The following C2orf69 variants were observed in gnomAD, a reference collection of about 807,000 sequenced individuals.
C2orf69 encodes the protein mitochondrial protein C2orf69.
Under a neutral mutation model 29.5 loss-of-function variants are expected in C2orf69, and 19 were observed. The ratio of observed to expected loss-of-function variants is 0.65; its 90% CI spans 0.45 to 0.95. The LOEUF (loss-of-function observed/expected upper bound fraction) is 0.95. Among genes scored for constraint, C2orf69 ranks in the 40% least tolerant of loss-of-function variants. The probability of loss-of-function intolerance (pLI) is 0.00; values close to 1 mark genes in which losing one functional copy is unlikely to be tolerated. For synonymous variants in C2orf69, 194 were observed against 180.0 expected, an observed-to-expected ratio of 1.08 and a Z score of -0.62; for missense variants, 416 against 482.1, an observed-to-expected ratio of 0.86 and a Z score of 1.28.
At chr2:199,916,101 A>T (rs2077291723) in intron 1 of C2orf69, among the ~76,000 whole-genome samples, 2 of 152,226 alleles carry the variant, frequency 1.3e-5, no homozygotes. Context: ...AATCAGTTCC[A>T]CAGGGCTGGG....
intron 1 of C2orf69, among the ~76,000 whole-genome samples, chr2:199,921,528 T>A (rs963837029): frequency 6.6e-6 from 1 of 152,182 alleles, no homozygotes; most frequent in African/African-American, 2.4e-5. Flanking sequence ...GTAGCGAGGA[T>A]TTTAAAAAAT....
chr2:199,911,533 C>T lies in C2orf69; in HGVS notation c.95C>T (p.Thr32Ile), dbSNP rs2077258771. 1 of 1,549,788 alleles carries T rather than the reference C, an allele frequency of 6.5e-7. No homozygotes were observed. Among genetic ancestry groups the T allele is most frequent in the Non-Finnish European group, 8.7e-7 (1 of 1,146,716 alleles). The change falls in exon 1 of 2, where the codon ACC becomes ATC. Residue 32 changes from threonine (T) to isoleucine (I), a missense_variant. By Grantham distance (89) the Thr-to-Ile change is moderately conservative. Around this residue, in one of 4 missense-constraint regions of C2orf69, gnomAD observed 175 missense variants for 139.9 expected, o/e 1.25. Transcript: ENST00000319974. Reference protein sequence around the residue: ...GNASSCSQARTMNPGGSGGAR... With the variant: ...GNASSCSQARIMNPGGSGGAR... ...GCCTCGTCCTGCTCTCAGGCCAGAA[C>T]CATGAACCCGGGCGGCAGCGGCGGC...
chr2:199,925,286 C>T lies in C2orf69; in HGVS notation c.558C>T (p.His186=). The T allele has an allele frequency of 6.2e-7, 1 of 1,612,046 alleles. No homozygotes were observed. Among genetic ancestry groups the T allele is most frequent in the Non-Finnish European group, 8.5e-7 (1 of 1,179,414 alleles). Residue 186 remains histidine (H), a synonymous_variant, in exon 2 of 2, where the codon CAC becomes CAT. Transcript: ENST00000319974. This position sits in a 1 kb window ranked among gnomAD's most constrained non-coding sequence, Gnocchi z 4.9. The part of the protein sequence containing the change: ...EHNTDFGAFK[H]LYMLLVNAFN... ...ATACTGACTTTGGAGCTTTTAAGCA[C>T]CTTTATATGTTATTAGTTAATGCTT... is the stretch of plus-strand genomic sequence containing the variant.
chr2:199,911,697 C>A lies in C2orf69; in HGVS notation c.259C>A (p.Pro87Thr). The A allele has an allele frequency of 6.5e-7, 1 of 1,546,134 alleles. No individual in the cohort carries two copies. The highest frequency in any genetic ancestry group is 8.7e-7 in the Non-Finnish European group (1 of 1,146,924). Residue 87 changes from proline to threonine, a missense_variant, in exon 1 of 2, where the codon CCC (proline) becomes ACC (threonine). This residue lies in a region of C2orf69 where 175 missense variants were observed against 139.9 expected (regional missense o/e 1.25). Transcript: ENST00000319974. ...GGAGGGACTGGAGCGGCAGGACCTCCCCGGGGACCCAGCGAAGGAGGAGCC... is the reference window on the plus strand; with the variant it reads ...GGAGGGACTGGAGCGGCAGGACCTCACCGGGGACCCAGCGAAGGAGGAGCC... ...AGEGLERQDL[P>T]GDPAKEEPQP...
Position 199,925,387 on chromosome 2 carries a change from G to C in C2orf69, c.659G>C (p.Arg220Thr). The C allele has an allele frequency of 6.2e-7, 1 of 1,613,688 alleles. No homozygotes were observed. Among genetic ancestry groups the C allele is most frequent in the South Asian group, 1.1e-5 (1 of 91,070 alleles). The change falls in exon 2 of 2, where the codon AGA becomes ACA. Residue 220 changes from arginine to threonine, a missense_variant. Coordinates refer to ENST00000319974, the MANE Select transcript of C2orf69 (RefSeq NM_153689.6). This position sits in a 1 kb window ranked among gnomAD's most constrained non-coding sequence, Gnocchi z 4.9. ...WNKDSIASNCRSSPSHTTNGC... is the reference protein window; with the variant it reads ...WNKDSIASNCTSSPSHTTNGC... ...AAGGACTCCATAGCATCTAACTGTA[G>C]ATCCAGTCCTTCTCATACTACGAAT...
Position 199,925,536 on chromosome 2 carries a change from T to C in C2orf69, c.808T>C (p.Leu270=), listed in dbSNP as rs754758602. The C allele has an allele frequency of 7.4e-6, 12 of 1,613,898 alleles. No individual in the cohort carries two copies. The highest frequency in any genetic ancestry group is 9.3e-6 in the Non-Finnish European group (11 of 1,179,846). Residue 270 remains leucine, a synonymous_variant, in exon 2 of 2, where the codon TTG becomes CTG. Coordinates refer to ENST00000319974, the MANE Select transcript of C2orf69 (RefSeq NM_153689.6). This position sits in a 1 kb window ranked among gnomAD's most constrained non-coding sequence, Gnocchi z 4.9. ...LIGFSKGCVV[L]NQLLFELKEA... ...TGGATTCAGTAAAGGTTGTGTTGTT[T>C]TGAATCAGTTGCTTTTTGAATTGAA...
intron 1 of C2orf69, among the ~76,000 whole-genome samples, chr2:199,916,640 A>C (rs745546390): frequency 2.6e-5 from 4 of 152,228 alleles, no homozygotes; most frequent in Non-Finnish European, 5.9e-5. Context: ...GACCAAAACA[A>C]AGGGGCTACA....
intron 1 of C2orf69, among the ~76,000 whole-genome samples, chr2:199,912,457 A>C (rs1305745124): frequency 6.6e-6 from 1 of 152,198 alleles, no homozygotes; most frequent in African/African-American, 2.4e-5. Context: ...TATCTGAATT[A>C]ATTAAAATTA....
Position 199,925,688 on chromosome 2 carries a change from T to C in C2orf69, c.960T>C (p.Phe320=). 3.1e-6 allele frequency: 5 copies of C among 1,613,938 alleles called. No individual in the cohort carries two copies. The highest frequency in any genetic ancestry group is 4.2e-6 in the Non-Finnish European group (5 of 1,179,832). The change falls in exon 2 of 2, where the codon TTT becomes TTC. Residue 320 remains phenylalanine (F), a synonymous_variant. Coordinates refer to ENST00000319974, the MANE Select transcript of C2orf69 (RefSeq NM_153689.6). This position sits in a 1 kb window ranked among gnomAD's most constrained non-coding sequence, Gnocchi z 4.9. ...WVTYPEVLKE[F]AQTGIIVHTH... ...CTTATCCAGAAGTCTTGAAAGAATT[T>C]GCACAAACAGGAATTATCGTTCACA...
rs1344855067 is a variant in C2orf69, at chr2:199,926,857, T to G, written c.*971T>G. ...TTCAAATTTTTCATTATATCAGTCT[T>G]TTTGAAAGGATCAACTTGGATAAAA... On this transcript the variant is annotated 3_prime_UTR_variant, in exon 2 of 2. Transcript: ENST00000319974. The G allele has an allele frequency of 1.3e-5, 2 of 152,584 alleles. No individual in the cohort carries two copies. Among genetic ancestry groups the G allele is most frequent in the Non-Finnish European group, 2.9e-5 (2 of 68,030 alleles). 9.5% of individuals were successfully genotyped at this position (152,584 alleles called of 1,614,324 possible).
In C2orf69 at chr2:199,911,736, C is replaced by CA. The variant is rs1396142665; in HGVS notation, c.299dup (p.His101AlafsTer15). 1 of 1,541,338 alleles carries CA rather than the reference C, an allele frequency of 6.5e-7. No individual in the cohort carries two copies. The highest frequency in any genetic ancestry group is 1.4e-5 in the African/African-American group (1 of 73,058). On this transcript the variant is annotated frameshift_variant, in exon 1 of 2. Transcript: ENST00000319974. LOFTEE classifies it high-confidence loss of function. ...GAAGGAGGAGCCGCAGCCGCCGCCC[C>CA]AGCATCACGTCCTCTATTTCCCTGG...
chr2:199,916,291 C>T (rs1405084666), intron 1 of C2orf69, among the ~76,000 whole-genome samples: 1 of 152,140 alleles, frequency 6.6e-6, no homozygotes, highest in African/African-American at 2.4e-5. Context: ...GATTCAGTTA[C>T]CTCCCACTGG....
At chr2:199,924,324 T>G (rs1408538270) in intron 1 of C2orf69, among the ~76,000 whole-genome samples, 1 of 152,160 alleles carries the variant, frequency 6.6e-6, no homozygotes, top group African/African-American at 2.4e-5. Flanking sequence ...GGAGGATTGC[T>G]TGAGCCTGAT....
intron 1 of C2orf69, among the ~76,000 whole-genome samples, 154 bp downstream of exon 1, chr2:199,911,925 C>G (rs1353965242): frequency 6.6e-6 from 1 of 152,158 alleles, no homozygotes; most frequent in Non-Finnish European, 1.5e-5. Context: ...TCCACGAAAT[C>G]CAAAACCGTG....
intron 1 of C2orf69, among the ~76,000 whole-genome samples, chr2:199,922,678 C>T (rs61176471): frequency 0.14 from 20,960 of 152,120 alleles, 1,740 homozygotes; most frequent in Middle Eastern, 0.22. Context: ...CTCTCACCTT[C>T]TATATCCAAT....
intron 1 of C2orf69, among the ~76,000 whole-genome samples, chr2:199,915,704 A>G (rs2077290327): frequency 1.3e-5 from 2 of 151,734 alleles, no homozygotes; most frequent in Admixed American, 1.3e-4. Flanking sequence ...TTTAGTAGAG[A>G]TGGGGTTTCA....
At chr2:199,918,454 C>T (rs557082796) in intron 1 of C2orf69, among the ~76,000 whole-genome samples, 48 of 152,216 alleles carry the variant, frequency 3.2e-4, no homozygotes, top group African/African-American at 1.0e-3. Flanking sequence ...CTCCGTCTCC[C>T]GGGTTCAAGC....
intron 1 of C2orf69, among the ~76,000 whole-genome samples, chr2:199,922,830 C>A (rs1509834): frequency 0.51 from 77,878 of 151,982 alleles, 20,239 homozygotes; most frequent in South Asian, 0.61. Context: ...ATTGCCCCTT[C>A]ATTATTAGGA....
At chr2:199,919,697 A>T (rs1280390578) in intron 1 of C2orf69, among the ~76,000 whole-genome samples, 1 of 152,186 alleles carries the variant, frequency 6.6e-6, no homozygotes, top group Admixed American at 6.5e-5. Flanking sequence ...TTTTATCAAG[A>T]ACCATTAATC....
Sources: allele counts gnomAD v4.1 joint callset (sites outside exome capture counted in the v4.1 genomes callset), GRCh38; gene constraint gnomAD v4.1.1; regional missense constraint gnomAD v4.1.1; non-coding constraint Gnocchi (gnomAD v3.1); transcripts MANE v1.5; gene names NCBI Gene and HGNC (gene_info 2026-07-23, HGNC 2026-07-21).